The following LMO7 variants were observed in gnomAD, a reference collection of about 807,000 sequenced individuals.
The protein encoded by LMO7 is LIM domain only protein 7.
In LMO7, 120 loss-of-function variants were observed where a neutral mutation model predicts 206.5. That is an observed-to-expected ratio of 0.58 (90% CI 0.50 to 0.68). The LOEUF (loss-of-function observed/expected upper bound fraction) is 0.68. Ranked by LOEUF, LMO7 falls within the 30% of genes least tolerant of loss-of-function variation. LMO7 has a pLI of 0.00. For synonymous variants in LMO7, 706 were observed against 681.5 expected (o/e 1.04, Z -0.56); for missense variants, 1,959 against 1,957.9 (o/e 1.00, Z -0.01).
chr13:75,695,600 C>T (rs1201465645), intron 1 of LMO7, among the ~76,000 whole-genome samples: 2 of 152,202 alleles, frequency 1.3e-5, no homozygotes, highest in African/African-American at 2.4e-5. Flanking sequence ...CCGCCTTGGC[C>T]TCTCAAAGTG....
At chr13:75,794,938 A>G (rs771819670) in intron 4 of LMO7, among the ~76,000 whole-genome samples, 1 of 151,378 alleles carries the variant, frequency 6.6e-6, no homozygotes, top group Non-Finnish European at 1.5e-5. Context: ...ATGGATGATG[A>G]AAAAAAAACC....
chr13:75,796,581 G>T, intron 5 of LMO7, 55 bp from the exon 6 acceptor site: 1 of 987,048 alleles, frequency 1.0e-6, no homozygotes, highest in Non-Finnish European at 1.6e-6. Flanking sequence ...ATTTGAGCTT[G>T]CAATTGGTTG....
intron 4 of LMO7, among the ~76,000 whole-genome samples, chr13:75,766,244 T>C (rs1052421628): frequency 6.6e-6 from 1 of 151,306 alleles, no homozygotes; most frequent in African/African-American, 2.4e-5. Context: ...AGTCTTTTTT[T>C]TTTTTTTTTT....
At chr13:75,833,234 C>G (rs1383669882) in intron 16 of LMO7, 69 bp downstream of exon 16, 1 of 931,428 alleles carries the variant, frequency 1.1e-6, no homozygotes, top group South Asian at 1.3e-5. Flanking sequence ...GGTTGGGGAC[C>G]ACAGAAATTA....
At chr13:75,717,380 A>G (rs55944063) in intron 2 of LMO7, among the ~76,000 whole-genome samples, 3 of 148,610 alleles carry the variant, frequency 2.0e-5, no homozygotes, top group African/African-American at 7.4e-5. Flanking sequence ...AAAAAAAAAA[A>G]ACACACAAAC....
chr13:75,620,773 C>A (rs992001166), exon 1 of LMO7: 1 of 152,100 alleles, frequency 6.6e-6, no homozygotes, highest in Non-Finnish European at 1.5e-5. Context: ...AGCTTTCCCA[C>A]TAAGTGGCTT....
intron 3 of LMO7, among the ~76,000 whole-genome samples, chr13:75,754,327 T>C (rs1259008129): frequency 6.6e-6 from 1 of 152,224 alleles, no homozygotes; most frequent in Non-Finnish European, 1.5e-5. Flanking sequence ...TTGTAGCACA[T>C]ATCAGTACTT....
chr13:75,733,955 C>T (rs2045548302), intron 3 of LMO7, among the ~76,000 whole-genome samples: 1 of 152,214 alleles, frequency 6.6e-6, no homozygotes, highest in African/African-American at 2.4e-5. Context: ...GCGAGATGTG[C>T]ACCAGTTGTT....
At chr13:75,734,893 A>G (rs1257538745) in intron 3 of LMO7, among the ~76,000 whole-genome samples, 7 of 152,078 alleles carry the variant, frequency 4.6e-5, no homozygotes, top group Non-Finnish European at 1.0e-4. Flanking sequence ...AGGTCAGGAG[A>G]TGACGACCAT....
chr13:75,675,825 C>T (rs2039956251), intron 1 of LMO7, among the ~76,000 whole-genome samples: 1 of 152,004 alleles, frequency 6.6e-6, no homozygotes, highest in African/African-American at 2.4e-5. Flanking sequence ...AATTGAAGAA[C>T]ATTTTATAAA....
Position 75,859,559 on chromosome 13 carries a change from A to T in LMO7, c.*1616A>T, listed in dbSNP as rs899778311. The T allele has an allele frequency of 3.9e-5, 6 of 152,186 alleles. No individual in the cohort carries two copies. Among genetic ancestry groups the T allele is most frequent in the Admixed American group, 3.9e-4 (6 of 15,282 alleles). The allele number at this position is 152,186 out of a possible 1,614,324, so 9.4% of individuals were successfully genotyped here. On this transcript the variant is annotated 3_prime_UTR_variant, in exon 31 of 31. Coordinates refer to ENST00000377534, the MANE Select transcript of LMO7 (RefSeq NM_001306080.2). Reference sequence around the variant, plus strand: ...TGTTTCTAAGATCAAACATTTTAATATGTGCATGTTATATATAAATATGTA... The same window carrying T: ...TGTTTCTAAGATCAAACATTTTAATTTGTGCATGTTATATATAAATATGTA...
chr13:75,814,589 G>A (rs2056788348), intron 11 of LMO7, among the ~76,000 whole-genome samples: 1 of 152,144 alleles, frequency 6.6e-6, no homozygotes, highest in Non-Finnish European at 1.5e-5. Context: ...ACTGCAGGCT[G>A]GGCTCCCCTT....
chr13:75,626,595 A>ATATATATATATATTTTTTTTTTTTTT, intron 2 of LMO7, among the ~76,000 whole-genome samples: 6 of 71,178 alleles, frequency 8.4e-5, no homozygotes, highest in East Asian at 5.9e-4. Context: ...ATATATATAA[A>ATATATATATATATTTTTTTTTTTTTT]TTTTTTTGAG....
intron 30 of LMO7, chr13:75,857,375 C>CT (rs2061047044): frequency 6.6e-6 from 1 of 152,116 alleles, no homozygotes; most frequent in African/African-American, 2.4e-5. Flanking sequence ...AAATCATTTG[C>CT]TTTTGAACTC....
chr13:75,853,084 TG>T lies in LMO7; in HGVS notation c.4365-7del. Reference sequence around the variant, plus strand: ...ACATTATTTTGATGAGTCTTTTTTGTGTTTCAGAGGCGAATCTTTAGATAAC... The same window carrying T: ...ACATTATTTTGATGAGTCTTTTTTGTTTTCAGAGGCGAATCTTTAGATAAC... On this transcript the variant is annotated splice_polypyrimidine_tract_variant and splice_region_variant and intron_variant, in intron 27 of 30. Transcript: ENST00000377534. 1 of 1,579,824 alleles carries T rather than the reference TG, an allele frequency of 6.3e-7. No individual in the cohort carries two copies. The highest frequency in any genetic ancestry group is 8.6e-7 in the Non-Finnish European group (1 of 1,160,844).
At chr13:75,724,544 A>G (rs1444628940) in intron 2 of LMO7, among the ~76,000 whole-genome samples, 1 of 152,188 alleles carries the variant, frequency 6.6e-6, no homozygotes, top group Non-Finnish European at 1.5e-5. Context: ...ATTGCTTATT[A>G]TGCAAAGAAG....
chr13:75,655,977 C>T (rs1273806352), intron 1 of LMO7, among the ~76,000 whole-genome samples: 8 of 152,084 alleles, frequency 5.3e-5, no homozygotes, highest in Non-Finnish European at 1.2e-4. Context: ...GTCCTTGTCC[C>T]ATCTTGAGAC....
At chr13:75,777,476 T>C (rs2050663822) in intron 4 of LMO7, among the ~76,000 whole-genome samples, 1 of 152,200 alleles carries the variant, frequency 6.6e-6, no homozygotes, top group South Asian at 2.1e-4. Flanking sequence ...TTTTCCTGTT[T>C]TAAATCTGGT....
intron 1 of LMO7, among the ~76,000 whole-genome samples, chr13:75,703,427 C>T (rs1442647232): frequency 3.9e-5 from 6 of 152,128 alleles, no homozygotes; most frequent in Non-Finnish European, 8.8e-5. Context: ...CAGACACTCT[C>T]ATTTGATGCT....
Sources: allele counts gnomAD v4.1 joint callset (sites outside exome capture counted in the v4.1 genomes callset), GRCh38; gene constraint gnomAD v4.1.1; transcripts MANE v1.5; gene names NCBI Gene and HGNC (gene_info 2026-07-23, HGNC 2026-07-21).